Variants in ENPEP observed in about 807,000 individuals in gnomAD.
ENPEP encodes AP-A.
A neutral mutation model predicts 114.5 loss-of-function variants in ENPEP; 103 were observed. The observed-to-expected ratio is 0.90, with a 90% CI of 0.77 to 1.06. The LOEUF is 1.06. Ranked by LOEUF, ENPEP falls within the 50% of genes least tolerant of loss-of-function variation. The pLI is 0.00. For missense variants in ENPEP, 1,196 were observed against 1,161.3 expected (o/e 1.03, Z -0.43); for synonymous variants, 420 against 422.0 (o/e 1.00, Z 0.06).
At chr4:110,482,043 T>A (rs2110331522) in intron 1 of ENPEP, among the ~76,000 whole-genome samples, 1 of 152,246 alleles carries the variant, frequency 6.6e-6, no homozygotes. Flanking sequence ...AGGAAAACCC[T>A]TACGGAGGAA....
Position 110,476,630 on chromosome 4 carries a change from C to T in ENPEP, c.216C>T (p.Ala72=), listed in dbSNP as rs1364020856. The part of the protein sequence containing the change: ...SSTASPSGPP[A]QDQDICPASE... ...CGGCCAGCCCCTCAGGTCCTCCTGC[C>T]CAGGACCAGGACATCTGCCCGGCCA... Residue 72 remains alanine (A), a synonymous_variant, in exon 1 of 20, where the codon GCC becomes GCT. Transcript: ENST00000265162. 6 of 1,614,132 alleles carry T rather than the reference C, an allele frequency of 3.7e-6. No individual in the cohort carries two copies. The South Asian group carries it at 4.4e-5, about 12-fold the overall frequency.
rs1460466146 is a variant in ENPEP at position 110,564,948 on chromosome 4, A to C, written c.*3390A>C. 1 of 152,238 alleles carries C rather than the reference A, an allele frequency of 6.6e-6. No individual in the cohort carries two copies. Among genetic ancestry groups the C allele is most frequent in the Non-Finnish European group, 1.5e-5 (1 of 68,038 alleles). 9.4% of individuals were successfully genotyped at this position (152,238 alleles called of 1,614,324 possible). A position where few individuals can be genotyped will look rare whatever the true frequency, so the allele number is the denominator to read the frequency against. On this transcript the variant is annotated 3_prime_UTR_variant, in exon 20 of 20. Coordinates refer to ENST00000265162, the MANE Select transcript of ENPEP (RefSeq NM_001977.4). ...ATAGAACTTAGCCAGCACAGAGTAC[A>C]CATGTGCTGTAAATGAGAAATACCC...
chr4:110,499,940 ATTCCTTGAAAAAATTTAAG>A (rs1418780442), intron 3 of ENPEP: 1 of 152,194 alleles, frequency 6.6e-6, no homozygotes, highest in African/African-American at 2.4e-5. Context: ...TGCTTATCAC[ATTCCTTGAAAAAATTTAAG>A]TTCTCAATAA....
At chr4:110,482,211 C>A (rs6855216) in intron 1 of ENPEP, among the ~76,000 whole-genome samples, 24,006 of 152,050 alleles carry the variant, frequency 0.16, 2,563 homozygotes, top group African/African-American at 0.29. Flanking sequence ...AGATAGGAAA[C>A]GTGATTTCAG....
In ENPEP at chr4:110,564,550, T is replaced by C. The variant is rs1449430449; in HGVS notation, c.*2992T>C. On this transcript the variant is annotated 3_prime_UTR_variant, in exon 20 of 20. Coordinates refer to ENST00000265162, the MANE Select transcript of ENPEP (RefSeq NM_001977.4). ...TGTTAGCTCTTATTATTGTTACTAT[T>C]ATATCTCCCCATCCCTACTTAAGAC... is the stretch of plus-strand genomic sequence containing the variant. 1 of 152,228 alleles carries C rather than the reference T, an allele frequency of 6.6e-6. No individual in the cohort carries two copies. Among genetic ancestry groups the C allele is most frequent in the Non-Finnish European group, 1.5e-5 (1 of 68,038 alleles). The allele number at this position is 152,228 out of a possible 1,614,324, so 9.4% of individuals were successfully genotyped here.
chr4:110,495,786 A>G (rs1256764156), intron 3 of ENPEP, among the ~76,000 whole-genome samples: 1 of 152,172 alleles, frequency 6.6e-6, no homozygotes, highest in African/African-American at 2.4e-5. Flanking sequence ...TTCCTGAGAA[A>G]CAAAAATCTC....
intron 1 of ENPEP, among the ~76,000 whole-genome samples, chr4:110,483,470 T>G (rs2110332604): frequency 6.6e-6 from 1 of 151,226 alleles, no homozygotes; most frequent in South Asian, 2.1e-4. Flanking sequence ...CTTTTTTGGT[T>G]TTTTTTTTAG....
At chr4:110,534,366 C>T (rs1726525705) in intron 11 of ENPEP, among the ~76,000 whole-genome samples, 1 of 152,112 alleles carries the variant, frequency 6.6e-6, no homozygotes, top group Non-Finnish European at 1.5e-5. Context: ...ATAATCTCTC[C>T]TGTCATCATC....
intron 10 of ENPEP, among the ~76,000 whole-genome samples, chr4:110,524,512 AAAC>A (rs1726123726): frequency 6.6e-6 from 1 of 152,192 alleles, no homozygotes; most frequent in South Asian, 2.1e-4. Flanking sequence ...TTCAAAATAC[AAAC>A]ACCACCAAAG....
chr4:110,548,009 T>C (rs1727130759), intron 13 of ENPEP, among the ~76,000 whole-genome samples, 167 bp from the exon 14 acceptor site: 1 of 152,064 alleles, frequency 6.6e-6, no homozygotes, highest in African/African-American at 2.4e-5. Flanking sequence ...AACTTTTTGA[T>C]TGGGCTTCAA....
chr4:110,553,430 C>A lies in ENPEP; in HGVS notation c.2617C>A (p.Leu873Ile), dbSNP rs766415156. 2 of 1,610,400 alleles carry A rather than the reference C, an allele frequency of 1.2e-6. No homozygotes were observed. Among genetic ancestry groups the A allele is most frequent in the Non-Finnish European group, 1.7e-6 (2 of 1,177,574 alleles). ...GAACATGGCCTGGAATTGGATACAA[C>A]TCAACTGGGACTATCTAGTCAACAG... The part of the protein sequence containing the change: ...GKNMAWNWIQ[L>I]NWDYLVNRYT... The change falls in exon 18 of 20, where the codon CTC (leucine) becomes ATC (isoleucine). Residue 873 changes from leucine to isoleucine, a missense_variant. By Grantham distance (5) the Leu-to-Ile change is conservative (BLOSUM62 2). Coordinates refer to ENST00000265162, the MANE Select transcript of ENPEP (RefSeq NM_001977.4).
rs1216623746 is a variant in ENPEP at position 110,549,350 on chromosome 4, A to G, written c.2156A>G (p.Tyr719Cys). The change falls in exon 15 of 20, where the codon TAC becomes TGC. Residue 719 changes from tyrosine (Y) to cysteine (C), a missense_variant. Transcript: ENST00000265162. ...DKELYPMIEE[Y>C]FQGQVKPIAD... ...TACATAATACTTTTATTTCAGGAATACTTCCAAGGTCAAGTGAAGCCTATT... is the reference window on the plus strand; with the variant it reads ...TACATAATACTTTTATTTCAGGAATGCTTCCAAGGTCAAGTGAAGCCTATT... 11 of 1,612,254 alleles carry G rather than the reference A, an allele frequency of 6.8e-6. No individual in the cohort carries two copies. The highest frequency in any genetic ancestry group is 9.3e-6 in the Non-Finnish European group (11 of 1,178,718).
intron 3 of ENPEP, among the ~76,000 whole-genome samples, chr4:110,499,404 T>A (rs912469359): frequency 7.2e-5 from 11 of 152,330 alleles, no homozygotes; most frequent in Admixed American, 3.9e-4. Context: ...ACAAACTTTG[T>A]CCTGAACTCT....
At chr4:110,479,592 A>G (rs1414446364) in intron 1 of ENPEP, among the ~76,000 whole-genome samples, 1 of 152,134 alleles carries the variant, frequency 6.6e-6, no homozygotes, top group Non-Finnish European at 1.5e-5. Context: ...TCCACCAACA[A>G]TGTATGAAAG....
chr4:110,501,810 A>C (rs943137243), intron 3 of ENPEP, among the ~76,000 whole-genome samples: 2 of 152,222 alleles, frequency 1.3e-5, no homozygotes, highest in African/African-American at 2.4e-5. Context: ...ATCCTGTAAT[A>C]AGATGGCTGG....
At chr4:110,478,730 C>T (rs1724202557) in intron 1 of ENPEP, among the ~76,000 whole-genome samples, 1 of 152,204 alleles carries the variant, frequency 6.6e-6, no homozygotes, top group African/African-American at 2.4e-5. Context: ...TGAGCCACTG[C>T]ACACAGCCAA....
intron 19 of ENPEP, among the ~76,000 whole-genome samples, chr4:110,559,980 TC>T (rs903562430): frequency 2.0e-5 from 3 of 152,106 alleles, no homozygotes; most frequent in African/African-American, 7.2e-5. Context: ...TGTGTGATGT[TC>T]CCCTCCCTGT....
chr4:110,490,001 C>T (rs1418998471), intron 2 of ENPEP, among the ~76,000 whole-genome samples: 2 of 152,090 alleles, frequency 1.3e-5, no homozygotes, highest in East Asian at 3.8e-4. Context: ...TTGTTTTCTT[C>T]TAAGGTTTGA....
intron 13 of ENPEP, among the ~76,000 whole-genome samples, chr4:110,545,547 C>T (rs867985305): frequency 3.3e-5 from 5 of 152,060 alleles, no homozygotes; most frequent in African/African-American, 9.6e-5. Flanking sequence ...CTATGTCTCC[C>T]GAGTCACCGT....
Sources: gnomAD v4.1 joint callset for allele counts (sites outside exome capture counted in the v4.1 genomes callset) on GRCh38, gnomAD v4.1.1 for gene constraint, MANE v1.5 for transcripts, NCBI Gene and HGNC (gene_info 2026-07-23, HGNC 2026-07-21) for gene names.